The following NRXN3 variants were observed in gnomAD, a reference collection of about 807,000 sequenced individuals.
NRXN3 encodes neurexin III.
Under a neutral mutation model 137.6 loss-of-function variants are expected in NRXN3, and 32 were observed. That is an observed-to-expected ratio of 0.23 (90% confidence interval 0.18 to 0.31). The LOEUF (loss-of-function observed/expected upper bound fraction) is 0.31. Among genes scored for constraint, NRXN3 ranks in the 10% least tolerant of loss-of-function variants. NRXN3 has a pLI of 1.00. For synonymous variants in NRXN3, 798 were observed against 784.5 expected (o/e 1.02, Z -0.29); for missense variants, 1,574 against 2,062.5 (o/e 0.76, Z 4.59).
intron 3 of NRXN3, among the ~76,000 whole-genome samples, chr14:78,281,659 A>G (rs1366390078): frequency 6.6e-6 from 1 of 152,178 alleles, no homozygotes; most frequent in African/African-American, 2.4e-5. Flanking sequence ...AGCACTTGGC[A>G]GGTGCTGAAG....
At chr14:79,045,020 G>A (rs2062741) in intron 15 of NRXN3, among the ~76,000 whole-genome samples, 49,150 of 151,958 alleles carry the variant, frequency 0.32, 8,511 homozygotes, top group Admixed American at 0.47. Flanking sequence ...AAAAACCATG[G>A]CGTCTCTTAA....
intron 6 of NRXN3, among the ~76,000 whole-genome samples, chr14:78,693,801 C>T (rs2098198062): frequency 6.6e-6 from 1 of 151,316 alleles, no homozygotes; most frequent in South Asian, 2.1e-4. Context: ...TCTTCTGAAC[C>T]AGAGCGATTT....
At chr14:78,829,481 C>T (rs912515834) in intron 10 of NRXN3, among the ~76,000 whole-genome samples, 1 of 152,072 alleles carries the variant, frequency 6.6e-6, no homozygotes, top group Non-Finnish European at 1.5e-5. Context: ...GAGGATTTCA[C>T]CATAGTCAAT....
chr14:79,644,900 TACTC>T (rs1278486648), intron 16 of NRXN3, among the ~76,000 whole-genome samples: 5 of 135,798 alleles, frequency 3.7e-5, no homozygotes, highest in Non-Finnish European at 8.6e-5. Flanking sequence ...AGAAAACTAA[TACTC>T]AGGCCAAATG....
rs550305144 is a variant in NRXN3, at chr14:79,720,680, T to G, written c.4014+22743T>G. Reference sequence around the variant, plus strand: ...CTGAGATACTTCAAGGAGATATGAGTGGATCATGAATAAATATCCTAAAAC... The same window carrying G: ...CTGAGATACTTCAAGGAGATATGAGGGGATCATGAATAAATATCCTAAAAC... On this transcript the variant is annotated intron_variant, in intron 19 of 20. Coordinates refer to ENST00000335750, the MANE Select transcript of NRXN3 (RefSeq NM_001330195.2). Among the ~76,000 whole-genome samples, 11 of 152,170 alleles carry G rather than the reference T, an allele frequency of 7.2e-5. No individual in the cohort carries two copies. In the East Asian group the frequency reaches 2.1e-3, roughly 29 times the overall value.
rs184638442 is a variant in NRXN3, at chr14:79,410,257, T to G, written c.3263-56964T>G. The stretch of plus-strand genomic sequence containing the variant: ...AGATCAACCACACAGATTCATTTAT[T>G]TTACCTTCTCATTAATTAGACCCTC... On this transcript the variant is annotated intron_variant, in intron 15 of 20. Coordinates refer to ENST00000335750, the MANE Select transcript of NRXN3 (RefSeq NM_001330195.2). 1.4e-4 allele frequency among the ~76,000 whole-genome samples: 21 copies of G among 152,096 alleles called. No individual in the cohort carries two copies. In the East Asian group the frequency reaches 3.3e-3, roughly 24 times the overall value.
chr14:78,953,387 A>G (rs2099390678), intron 10 of NRXN3, among the ~76,000 whole-genome samples: 1 of 152,208 alleles, frequency 6.6e-6, no homozygotes, highest in Non-Finnish European at 1.5e-5. Flanking sequence ...CAATCTAGTC[A>G]GTGTATTTCA....
At chr14:79,268,873 C>A (rs533926988) in intron 15 of NRXN3, among the ~76,000 whole-genome samples, 1 of 152,094 alleles carries the variant, frequency 6.6e-6, no homozygotes, top group Non-Finnish European at 1.5e-5. Flanking sequence ...CTTTATTTTT[C>A]TTCTGCAGTT....
chr14:78,296,246 T>C lies in NRXN3; in HGVS notation c.728-1585T>C, dbSNP rs773120903. Among the ~76,000 whole-genome samples, 16 of 152,008 alleles carry C rather than the reference T, an allele frequency of 1.1e-4. 1 individual carries two copies. The highest frequency in any genetic ancestry group is 2.6e-4 in the Admixed American group (4 of 15,260). ...ACAGTTAATTCTTTAATTTTTATTT[T>C]GTAGAGACAGGGTTTCACTATGTTG... is the stretch of plus-strand genomic sequence containing the variant. On this transcript the variant is annotated intron_variant, in intron 3 of 20. Transcript: ENST00000335750.
chr14:79,449,297 G>C (rs142367443), intron 15 of NRXN3, among the ~76,000 whole-genome samples: 1 of 152,204 alleles, frequency 6.6e-6, no homozygotes, highest in African/African-American at 2.4e-5. Context: ...ATGCCCCTTC[G>C]AATCCCTTCG....
chr14:79,339,720 T>A (rs2092489254), intron 15 of NRXN3, among the ~76,000 whole-genome samples: 1 of 152,218 alleles, frequency 6.6e-6, no homozygotes, highest in African/African-American at 2.4e-5. Context: ...GAGTTGAGAA[T>A]CTGAGACAGT....
chr14:79,592,888 A>G (rs1474926546), intron 16 of NRXN3, among the ~76,000 whole-genome samples: 1 of 152,236 alleles, frequency 6.6e-6, no homozygotes. Context: ...TATGAAGCCT[A>G]CAAGTTTCCA....
intron 10 of NRXN3, among the ~76,000 whole-genome samples, chr14:78,836,965 C>T (rs1230072080): frequency 6.6e-6 from 1 of 152,120 alleles, no homozygotes; most frequent in Non-Finnish European, 1.5e-5. Flanking sequence ...GTATCAGTTG[C>T]TCCCTCCTTT....
chr14:79,047,937 A>C (rs1048605250), intron 15 of NRXN3, among the ~76,000 whole-genome samples: 25 of 152,288 alleles, frequency 1.6e-4, no homozygotes, highest in African/African-American at 6.0e-4. Context: ...TATTTATCCA[A>C]AAGAAATGGA....
intron 15 of NRXN3, among the ~76,000 whole-genome samples, chr14:78,998,311 A>G (rs1387706812): frequency 1.3e-5 from 2 of 152,222 alleles, no homozygotes; most frequent in African/African-American, 2.4e-5. Flanking sequence ...AGGAGAAGAC[A>G]TAACATGTAA....
chr14:78,805,573 T>C (rs1419422734), intron 9 of NRXN3, among the ~76,000 whole-genome samples: 1 of 147,688 alleles, frequency 6.8e-6, no homozygotes, highest in African/African-American at 2.5e-5. Context: ...AGCCAGCAGC[T>C]GATTATCTCC....
chr14:78,659,489 G>C (rs2097816851), intron 6 of NRXN3, among the ~76,000 whole-genome samples: 2 of 151,980 alleles, frequency 1.3e-5, no homozygotes, highest in African/African-American at 4.8e-5. Flanking sequence ...GACCAGCCTG[G>C]TAAACTTAAG....
chr14:78,923,123 A>G (rs1020521156), intron 10 of NRXN3, among the ~76,000 whole-genome samples: 3 of 152,158 alleles, frequency 2.0e-5, no homozygotes, highest in Non-Finnish European at 4.4e-5. Context: ...CTTCAAAGGA[A>G]TAGCCTTTGG....
At chr14:79,105,321 A>G (rs2152858806) in intron 15 of NRXN3, among the ~76,000 whole-genome samples, 1 of 152,312 alleles carries the variant, frequency 6.6e-6, no homozygotes, top group South Asian at 2.1e-4. Context: ...CTTCAGTCAC[A>G]CGTGAATTGT....
Sources: gnomAD v4.1 joint callset for allele counts (sites outside exome capture counted in the v4.1 genomes callset) on GRCh38, gnomAD v4.1.1 for gene constraint, MANE v1.5 for transcripts, NCBI Gene and HGNC (gene_info 2026-07-23, HGNC 2026-07-21) for gene names.